The following PCDHA7 variants were observed in gnomAD, a reference collection of about 807,000 sequenced individuals.
PCDHA7 encodes the protein protocadherin alpha-7.
PCDHA7 carries 37 observed loss-of-function variants against 57.2 expected under a neutral mutation model. The observed-to-expected ratio is 0.65, with a 90% CI of 0.50 to 0.85. PCDHA7 has a LOEUF of 0.85. PCDHA7 is among the 40% of genes least tolerant of loss of function. The pLI, the probability that PCDHA7 is intolerant of heterozygous loss-of-function variation, is 0.00. For synonymous variants in PCDHA7, 553 were observed against 558.8 expected (o/e 0.99, Z 0.15); for missense variants, 1,188 against 1,241.8 (o/e 0.96, Z 0.65).
intron 1 of PCDHA7, chr5:140,871,248 G>C (rs782440984): frequency 7.2e-5 from 117 of 1,613,852 alleles, no homozygotes; most frequent in Non-Finnish European, 9.5e-5. Context: ...TCACGCTGCT[G>C]CTGTATACGG....
chr5:140,965,928 C>T (rs2095948805), intron 1 of PCDHA7, among the ~76,000 whole-genome samples: 1 of 152,198 alleles, frequency 6.6e-6, no homozygotes, highest in South Asian at 2.1e-4. Flanking sequence ...GGCTTGCTCC[C>T]GGAAAGAGGG....
In PCDHA7 at chr5:140,870,868, G is replaced by T. The variant is rs550915753; in HGVS notation, c.2355+34130G>T. 2.5e-6 allele frequency: 4 copies of T among 1,613,944 alleles called. No homozygotes were observed. The South Asian group carries it at 3.3e-5, about 13-fold the overall frequency. ...ACCGCGGTCGGTGGGTGCGGGCCAC[G>T]TGGTGGCGAAGGTGCGCGCAGTGGA... On this transcript the variant is annotated intron_variant, in intron 1 of 3. Coordinates refer to ENST00000525929, the MANE Select transcript of PCDHA7 (RefSeq NM_018910.3).
intron 1 of PCDHA7, among the ~76,000 whole-genome samples, chr5:140,925,385 C>G (rs559735505): frequency 6.4e-4 from 97 of 152,144 alleles, no homozygotes; most frequent in Non-Finnish European, 1.2e-3. Context: ...AATGAGTCTC[C>G]TTTTGGCTCG....
intron 1 of PCDHA7, 102 bp from the exon 2 acceptor site, chr5:140,978,847 G>GA: frequency 6.4e-7 from 1 of 1,570,216 alleles, no homozygotes; most frequent in Non-Finnish European, 8.6e-7. Context: ...TACTTTTTTA[G>GA]ATGCCTGGAA....
Position 140,835,129 on chromosome 5 carries a change from T to C in PCDHA7, c.746T>C (p.Val249Ala). ...APVFDRTLYT[V>A]KLPENVSIGT... ...GTGTTCGACAGAACCCTGTATACGG[T>C]GAAATTACCAGAAAACGTTTCTATC... is the stretch of plus-strand genomic sequence containing the variant. The change falls in exon 1 of 4, where the codon GTG becomes GCG. Residue 249 changes from valine (V) to alanine (A), a missense_variant. Transcript: ENST00000525929. 7.4e-7 allele frequency: 1 copy of C among 1,358,528 alleles called. No individual in the cohort carries two copies. Among genetic ancestry groups the C allele is most frequent in the Non-Finnish European group, 1.0e-6 (1 of 1,001,662 alleles). The allele number at this position is 1,358,528 out of a possible 1,614,324, so 84.2% of individuals were successfully genotyped here. A position where few individuals can be genotyped will look rare whatever the true frequency, so the allele number is the denominator to read the frequency against.
At chr5:140,986,694 C>T (rs556228464) in intron 3 of PCDHA7, among the ~76,000 whole-genome samples, 1 of 152,266 alleles carries the variant, frequency 6.6e-6, no homozygotes, top group South Asian at 2.1e-4. Context: ...TTTCAAAACA[C>T]ACAGCACTGC....
At chr5:140,942,541 G>C (rs1241528363) in intron 1 of PCDHA7, among the ~76,000 whole-genome samples, 1 of 152,056 alleles carries the variant, frequency 6.6e-6, no homozygotes, top group African/African-American at 2.4e-5. Context: ...CAGTATGGTG[G>C]GGGGTAGGGG....
chr5:140,934,004 T>G (rs556218652), intron 1 of PCDHA7, among the ~76,000 whole-genome samples: 1 of 152,204 alleles, frequency 6.6e-6, no homozygotes, highest in Non-Finnish European at 1.5e-5. Flanking sequence ...CCTCTCATTT[T>G]TCTTGACTAG....
At chr5:140,869,628 T>TGAGTATTTTTCTTTA in intron 1 of PCDHA7, 1 of 1,613,700 alleles carries the variant, frequency 6.2e-7, no homozygotes, top group Non-Finnish European at 8.5e-7. Flanking sequence ...TAAGTAAAAA[T>TGAGTATTTTTCTTTA]GAGTATTTTT....
chr5:140,894,678 G>A (rs2064610623), intron 1 of PCDHA7, among the ~76,000 whole-genome samples: 2 of 151,110 alleles, frequency 1.3e-5, no homozygotes, highest in African/African-American at 4.9e-5. Flanking sequence ...TTCTTGCATA[G>A]CTTTTCATTA....
intron 1 of PCDHA7, among the ~76,000 whole-genome samples, chr5:140,890,695 A>T (rs1196447488): frequency 6.6e-6 from 1 of 152,200 alleles, no homozygotes; most frequent in Non-Finnish European, 1.5e-5. Context: ...AAATGCAGGG[A>T]CCTTACATTT....
At chr5:140,850,070 C>T (rs2041326470) in intron 1 of PCDHA7, 3 of 1,596,448 alleles carry the variant, frequency 1.9e-6, no homozygotes, top group Admixed American at 1.7e-5. Context: ...CGTTGGACCA[C>T]GAGGAGCTGG....
chr5:140,925,641 TATAATAATAATAATAATA>T (rs10569930), intron 1 of PCDHA7, among the ~76,000 whole-genome samples: 1 of 143,358 alleles, frequency 7.0e-6, no homozygotes, highest in African/African-American at 2.5e-5. Context: ...GAACTTAAAG[TATAATAATAATAATAATA>T]ATAATAATAA....
chr5:140,835,447 T>C lies in PCDHA7; in HGVS notation c.1064T>C (p.Leu355Pro), dbSNP rs2150235866. Residue 355 changes from leucine (L) to proline (P), a missense_variant, in exon 1 of 4, where the codon CTG becomes CCG. Leu to Pro is a moderately conservative substitution (Grantham distance 98). Transcript: ENST00000525929. ...DNAPQLTLTS[L>P]SLPIPEDAQP... ...GCTCCACAGTTGACTCTCACTTCCC[T>C]GTCTCTCCCTATTCCAGAGGACGCC... is the stretch of plus-strand genomic sequence containing the variant. 4 of 1,613,910 alleles carry C rather than the reference T, an allele frequency of 2.5e-6. No individual in the cohort carries two copies. The highest frequency in any genetic ancestry group is 2.2e-5 in the East Asian group (1 of 44,838).
intron 1 of PCDHA7, chr5:140,967,465 C>T: frequency 1.2e-6 from 2 of 1,613,512 alleles, no homozygotes; most frequent in Non-Finnish European, 1.7e-6. Flanking sequence ...TGGATGGGGG[C>T]ATCCCAGCCC....
chr5:140,842,484 C>T (rs2150337219), intron 1 of PCDHA7: 2 of 1,613,924 alleles, frequency 1.2e-6, no homozygotes, highest in East Asian at 2.2e-5. Context: ...GTGACCTGCT[C>T]CCTGATGCCC....
Position 141,002,117 on chromosome 5 carries a change from C to T in PCDHA7, c.2504-7510C>T, listed in dbSNP as rs74680186. Among the ~76,000 whole-genome samples, 37 of 152,378 alleles carry T rather than the reference C, an allele frequency of 2.4e-4. 1 individual carries two copies. The East Asian group carries it at 6.0e-3, about 25-fold the overall frequency. ...GGGCTGGGCCGGAAACGGCTATAAT[C>T]ATTTAATAGCCTTTGCCGGCTGCAC... On this transcript the variant is annotated intron_variant, in intron 3 of 3. Transcript: ENST00000525929.
Position 140,850,173 on chromosome 5 carries a change from G to T in PCDHA7, c.2355+13435G>T, listed in dbSNP as rs2150470730. The T allele has an allele frequency of 4.0e-5, 64 of 1,594,368 alleles. 5 individuals carry two copies. The highest frequency in any genetic ancestry group is 5.0e-5 in the Non-Finnish European group (58 of 1,167,774). On this transcript the variant is annotated intron_variant, in intron 1 of 3. Coordinates refer to ENST00000525929, the MANE Select transcript of PCDHA7 (RefSeq NM_018910.3). ...GCAGGTGTTCGTGCTGGACGAGAAC[G>T]ACAATGCGCCGGCGCTGCTGACACC...
intron 1 of PCDHA7, among the ~76,000 whole-genome samples, chr5:140,921,243 G>A (rs2080116903): frequency 6.6e-6 from 1 of 151,726 alleles, no homozygotes; most frequent in Non-Finnish European, 1.5e-5. Flanking sequence ...TTAAGCCACA[G>A]ATCAAAAAGT....
Sources: allele counts gnomAD v4.1 joint callset (sites outside exome capture counted in the v4.1 genomes callset), GRCh38; gene constraint gnomAD v4.1.1; transcripts MANE v1.5; gene names NCBI Gene and HGNC (gene_info 2026-07-23, HGNC 2026-07-21).